Variants in HNRNPU observed in about 807,000 individuals in gnomAD.
HNRNPU encodes HNRNPU antisense RNA 1.
A neutral mutation model predicts 94.7 loss-of-function variants in HNRNPU; 5 were observed. The observed-to-expected ratio is 0.05, with a 90% CI of 0.03 to 0.11. The LOEUF (loss-of-function observed/expected upper bound fraction) is 0.11, where lower values mean the gene tolerates loss of function less well. HNRNPU is among the 10% of genes least tolerant of loss of function. HNRNPU has a pLI of 1.00. For missense variants in HNRNPU, 710 were observed against 1,049.2 expected (o/e 0.68, Z 4.47); for synonymous variants, 434 against 381.6 (o/e 1.14, Z -1.60).
rs1218511748 is a variant in HNRNPU at position 244,850,592 on chromosome 1, T to C, written c.*3858A>G. Reference sequence around the variant, plus strand: ...TGGTTTATGTATTAGTAATTCAAATTACTGTTTTAGAGATCTCAGGTAGTT... The same window carrying C: ...TGGTTTATGTATTAGTAATTCAAATCACTGTTTTAGAGATCTCAGGTAGTT... On this transcript the variant is annotated 3_prime_UTR_variant, in exon 14 of 14. Coordinates refer to ENST00000640218, the MANE Select transcript of HNRNPU (RefSeq NM_031844.3). 2 of 151,690 alleles carry C rather than the reference T, an allele frequency of 1.3e-5. No individual in the cohort carries two copies. Among genetic ancestry groups the C allele is most frequent in the Non-Finnish European group, 2.9e-5 (2 of 67,984 alleles). The allele number at this position is 151,690 out of a possible 1,614,324, so 9.4% of individuals were successfully genotyped here. A position where few individuals can be genotyped will look rare whatever the true frequency, so the allele number is the denominator to read the frequency against.
intron 8 of HNRNPU, 158 bp downstream of exon 8, chr1:244,857,440 C>A: frequency 1.4e-6 from 1 of 704,846 alleles, no homozygotes; most frequent in East Asian, 2.8e-5. Flanking sequence ...AGGAACGGGG[C>A]TTCGCCATGT....
At chr1:244,860,590 T>TC (rs1680800710) in intron 3 of HNRNPU, 116 bp from the exon 4 acceptor site, 4 of 724,840 alleles carry the variant, frequency 5.5e-6, no homozygotes, top group Non-Finnish European at 9.1e-6. Context: ...GCACAACTTT[T>TC]CTCCACATCA....
rs1573338846 is a variant in HNRNPU at position 244,864,472 on chromosome 1, C to G, written c.-165G>C. On this transcript the variant is annotated 5_prime_UTR_variant, in exon 1 of 14. Coordinates refer to ENST00000640218, the MANE Select transcript of HNRNPU (RefSeq NM_031844.3). ...CGGATCCGCCTGGTGTCGAACGGCG[C>G]CAATTCCTTTCACCGAGTTCGCGAG... The G allele has an allele frequency of 8.2e-7, 1 of 1,214,662 alleles. No homozygotes were observed. The highest frequency in any genetic ancestry group is 1.6e-5 in the African/African-American group (1 of 62,790). 75.2% of individuals were successfully genotyped at this position (1,214,662 alleles called of 1,614,324 possible).
At chr1:244,860,099 C>T (rs1680786583) in intron 4 of HNRNPU, 1 of 389,912 alleles carries the variant, frequency 2.6e-6, no homozygotes, top group Non-Finnish European at 4.5e-6. Context: ...CAAGAGTTGG[C>T]GACCAGCCTG....
intron 8 of HNRNPU, 35 bp downstream of exon 8, chr1:244,857,563 A>T: frequency 6.2e-7 from 1 of 1,602,482 alleles, no homozygotes; most frequent in Non-Finnish European, 8.5e-7. Context: ...AGTCTATTTT[A>T]AACACTGAGA....
Position 244,853,009 on chromosome 1 carries a change from G to A in HNRNPU, c.*1441C>T, listed in dbSNP as rs1680587196. The A allele has an allele frequency of 2.6e-5, 4 of 152,698 alleles. No homozygotes were observed. The South Asian group carries it at 8.3e-4, about 32-fold the overall frequency. The allele number at this position is 152,698 out of a possible 1,614,324, so 9.5% of individuals were successfully genotyped here. A position where few individuals can be genotyped will look rare whatever the true frequency, so the allele number is the denominator to read the frequency against. On this transcript the variant is annotated 3_prime_UTR_variant, in exon 14 of 14. Coordinates refer to ENST00000640218, the MANE Select transcript of HNRNPU (RefSeq NM_031844.3). The stretch of plus-strand genomic sequence containing the variant: ...AGTGTTGTGTAGCAGTGACATCAAT[G>A]ACTGGCTTGCATGATGGCTTCTAAA...
chr1:244,859,292 G>T lies in HNRNPU; in HGVS notation c.1100C>A (p.Thr367Lys), dbSNP rs1239640794. 2 of 1,567,018 alleles carry T rather than the reference G, an allele frequency of 1.3e-6. No individual in the cohort carries two copies. Among genetic ancestry groups the T allele is most frequent in the East Asian group, 4.5e-5 (2 of 44,680 alleles). ...AGCTTTACCAAGTAACATTCCACTTGTAGTTAGTGACCAGCCAATACGAAC... is the reference window on the plus strand; with the variant it reads ...AGCTTTACCAAGTAACATTCCACTTTTAGTTAGTGACCAGCCAATACGAAC... The part of the protein sequence containing the change: ...HEVRIGWSLT[T>K]SGMLLGEEEF... The change falls in exon 5 of 14, where the codon ACA (threonine) becomes AAA (lysine). Residue 367 changes from threonine (T) to lysine (K), a missense_variant. This residue lies in a region of HNRNPU where 150 missense variants were observed against 187.9 expected (regional missense o/e 0.80). Transcript: ENST00000640218.
rs752375666 is a variant in HNRNPU, at chr1:244,856,794, G to C, written c.1677C>G (p.Ala559=). ...CAATAAATTTCCCAAGACACTGGGG[G>C]GCTCTCTGCAACAGTGTGTTCAGTT... The part of the protein sequence containing the change: ...TGKLNTLLQR[A]PQCLGKFIEI... Residue 559 remains alanine, a synonymous_variant, in exon 9 of 14, where the codon GCC becomes GCG. Transcript: ENST00000640218. 6.2e-7 allele frequency: 1 copy of C among 1,611,238 alleles called. No homozygotes were observed. Among genetic ancestry groups the C allele is most frequent in the South Asian group, 1.1e-5 (1 of 90,446 alleles).
At chr1:244,861,956 A>C (rs1471036723) in intron 3 of HNRNPU, 1 of 153,020 alleles carries the variant, frequency 6.5e-6, no homozygotes, top group Non-Finnish European at 1.5e-5. Flanking sequence ...TTATGTTTAA[A>C]GCAGCAGCTA....
Position 244,863,960 on chromosome 1 carries a change from G to A in HNRNPU, c.348C>T (p.Ala116=). The change falls in exon 1 of 14, where the codon GCC becomes GCT. Residue 116 remains alanine, a synonymous_variant. Transcript: ENST00000640218. ...LGEENGAAGA[A]DSGPMEEEEA... ...CCTCCTCCTCCATCGGGCCCGAGTC[G>A]GCCGCCCCCGCGGCCCCGTTCTCCT... 1 of 1,613,510 alleles carries A rather than the reference G, an allele frequency of 6.2e-7. No homozygotes were observed. Among genetic ancestry groups the A allele is most frequent in the South Asian group, 1.1e-5 (1 of 91,050 alleles).
rs1680922433 is a variant in HNRNPU at position 244,863,757 on chromosome 1, G to A, written c.551C>T (p.Ala184Val). The change falls in exon 1 of 14, where the codon GCG becomes GTG. Residue 184 changes from alanine to valine, a missense_variant. Physicochemically the swap from Ala to Val is moderately conservative, Grantham distance 64. Coordinates refer to ENST00000640218, the MANE Select transcript of HNRNPU (RefSeq NM_031844.3). ...QQQRGAAKEAAGKSSGPTSLF... is the reference protein window; with the variant it reads ...QQQRGAAKEAVGKSSGPTSLF... ...CGAGGTGGGGCCGCTGCTCTTCCCCGCGGCCTCCTTGGCGGCCCCGCGCTG... is the reference window on the plus strand; with the variant it reads ...CGAGGTGGGGCCGCTGCTCTTCCCCACGGCCTCCTTGGCGGCCCCGCGCTG... 5.0e-6 allele frequency: 8 copies of A among 1,584,602 alleles called. No homozygotes were observed. The Admixed American group carries it at 7.1e-5, about 14-fold the overall frequency.
At chr1:244,854,810 C>T (rs2102984540) in intron 13 of HNRNPU, 163 bp downstream of exon 13, 2 of 554,496 alleles carry the variant, frequency 3.6e-6, no homozygotes, top group South Asian at 3.2e-5. Context: ...CCTATTTTGC[C>T]TTCAAAAGGT....
intron 1 of HNRNPU, chr1:244,863,037 C>A (rs1029982258): frequency 1.8e-5 from 6 of 325,116 alleles, no homozygotes; most frequent in Non-Finnish European, 2.3e-5. Flanking sequence ...GGGCCGAGCC[C>A]GGCGCGGCGG....
Position 244,852,127 on chromosome 1 carries a change from C to T in HNRNPU, c.*2323G>A, listed in dbSNP as rs1267254507. ...GAAGGATGAGCAATAAATCAGGTTT[C>T]TCGTTCGTATCTTACTTCTTACCTA... On this transcript the variant is annotated 3_prime_UTR_variant, in exon 14 of 14. Transcript: ENST00000640218. The T allele has an allele frequency of 6.6e-6, 1 of 152,182 alleles. No individual in the cohort carries two copies. The highest frequency in any genetic ancestry group is 2.4e-5 in the African/African-American group (1 of 41,440). The allele number at this position is 152,182 out of a possible 1,614,324, so 9.4% of individuals were successfully genotyped here.
rs1680548318 is a variant in HNRNPU at position 244,851,512 on chromosome 1, C to T, written c.*2938G>A. On this transcript the variant is annotated 3_prime_UTR_variant, in exon 14 of 14. Coordinates refer to ENST00000640218, the MANE Select transcript of HNRNPU (RefSeq NM_031844.3). ...ATCCCCAGGTGAAAGTCCCTTAAAA[C>T]ACTATTATGGTTATGTTTCCTAGAA... 1 of 152,300 alleles carries T rather than the reference C, an allele frequency of 6.6e-6. No individual in the cohort carries two copies. Among genetic ancestry groups the T allele is most frequent in the Admixed American group, 6.5e-5 (1 of 15,294 alleles). 9.4% of individuals were successfully genotyped at this position (152,300 alleles called of 1,614,324 possible).
intron 6 of HNRNPU, 112 bp from the exon 7 acceptor site, chr1:244,858,386 A>G (rs1680735677): frequency 1.0e-6 from 1 of 999,144 alleles, no homozygotes; most frequent in African/African-American, 1.6e-5. Context: ...CAGGTTAAAG[A>G]ACTATTAGGT....
Position 244,853,925 on chromosome 1 carries a change from A to C in HNRNPU, c.*525T>G, listed in dbSNP as rs1680610422. ...TTCCCAGTTATTGTCAGAAACTATG[A>C]TTTAGCTTACCCCCTCCACTACCCA... is the stretch of plus-strand genomic sequence containing the variant. On this transcript the variant is annotated 3_prime_UTR_variant, in exon 14 of 14. Transcript: ENST00000640218. The C allele has an allele frequency of 6.5e-6, 1 of 152,686 alleles. No homozygotes were observed. 9.5% of individuals were successfully genotyped at this position (152,686 alleles called of 1,614,324 possible). A position where few individuals can be genotyped will look rare whatever the true frequency, so the allele number is the denominator to read the frequency against.
chr1:244,861,730 G>A (rs889810332), intron 3 of HNRNPU: 1 of 105,284 alleles, frequency 9.5e-6, no homozygotes, highest in Non-Finnish European at 1.8e-5. Flanking sequence ...AACCAACTAC[G>A]TTTTTTTGTA....
At chr1:244,857,857 T>G in intron 7 of HNRNPU, 140 bp from the exon 8 acceptor site, 1 of 1,328,664 alleles carries the variant, frequency 7.5e-7, no homozygotes, top group African/African-American at 1.5e-5. Flanking sequence ...ATGGAAAGAT[T>G]AACAGTCAAC....
Sources: gnomAD v4.1 joint callset for allele counts on GRCh38, gnomAD v4.1.1 for gene constraint, gnomAD v4.1.1 regional missense constraint, MANE v1.5 for transcripts, NCBI Gene and HGNC (gene_info 2026-07-23, HGNC 2026-07-21) for gene names.